Variants in PTK2B observed in about 807,000 individuals in gnomAD.
The protein encoded by PTK2B is protein-tyrosine kinase 2-beta.
PTK2B carries 71 observed loss-of-function variants against 142.9 expected under a neutral mutation model. That is an observed-to-expected ratio of 0.50 (90% CI 0.41 to 0.61). The LOEUF (loss-of-function observed/expected upper bound fraction) is 0.61, where lower values mean the gene tolerates loss of function less well. Among genes scored for constraint, PTK2B ranks in the 20% least tolerant of loss-of-function variants. The pLI, the probability that PTK2B is intolerant of heterozygous loss-of-function variation, is 0.00. For synonymous variants in PTK2B, 519 were observed against 503.4 expected (o/e 1.03, Z -0.42); for missense variants, 1,105 against 1,320.4 (o/e 0.84, Z 2.53).
chr8:27,380,083 T>C (rs1014520399), intron 1 of PTK2B, among the ~76,000 whole-genome samples: 1 of 152,158 alleles, frequency 6.6e-6, no homozygotes, highest in African/African-American at 2.4e-5. Context: ...TTGTTTATTA[T>C]TGTTTGGACG....
At chr8:27,456,258 A>G (rs1812133600) in intron 30 of PTK2B, among the ~76,000 whole-genome samples, 1 of 152,208 alleles carries the variant, frequency 6.6e-6, no homozygotes, top group Non-Finnish European at 1.5e-5. Flanking sequence ...TGGCAACCCT[A>G]CAATGAGCAA....
chr8:27,448,273 A>T (rs1386243879), intron 24 of PTK2B, among the ~76,000 whole-genome samples: 1 of 152,248 alleles, frequency 6.6e-6, no homozygotes, highest in African/African-American at 2.4e-5. Flanking sequence ...AAGCCAACAG[A>T]TGGGTCATAG....
Position 27,454,147 on chromosome 8 carries a change from C to G in PTK2B, c.2596-7C>G. On this transcript the variant is annotated splice_polypyrimidine_tract_variant and splice_region_variant and intron_variant, in intron 28 of 30. Transcript: ENST00000346049. Reference sequence around the variant, plus strand: ...CAACTCACTGGCCACCTGCGTCTTCCCCTCAGTCCATCCAGCCCACAGCTA... The same window carrying G: ...CAACTCACTGGCCACCTGCGTCTTCGCCTCAGTCCATCCAGCCCACAGCTA... The G allele has an allele frequency of 6.2e-7, 1 of 1,613,994 alleles. No homozygotes were observed. Among genetic ancestry groups the G allele is most frequent in the South Asian group, 1.1e-5 (1 of 91,056 alleles).
chr8:27,383,633 A>T (rs928385455), intron 1 of PTK2B, among the ~76,000 whole-genome samples: 9 of 152,070 alleles, frequency 5.9e-5, no homozygotes, highest in Non-Finnish European at 1.0e-4. Flanking sequence ...ATCCTCTCTT[A>T]TTAAAATTAT....
In PTK2B at chr8:27,343,564, G is replaced by A. The variant is rs139045215; in HGVS notation, c.-38+17883G>A. Among the ~76,000 whole-genome samples, 694 of 152,264 alleles carry A rather than the reference G, an allele frequency of 4.6e-3. 8 individuals are homozygous for A. Among genetic ancestry groups the A allele is most frequent in the African/African-American group, 0.016 (659 of 41,554 alleles). ...TACCTGTCTAATGACATATCACCCCGGAGGGGATGCCCAGCTCACAGAATG... is the reference window on the plus strand; with the variant it reads ...TACCTGTCTAATGACATATCACCCCAGAGGGGATGCCCAGCTCACAGAATG... On this transcript the variant is annotated intron_variant, in intron 1 of 30. Coordinates refer to ENST00000346049, the MANE Select transcript of PTK2B (RefSeq NM_173176.3).
At chr8:27,445,332 GAGGCCAAGAGTTTA>G (rs1335755194) in intron 23 of PTK2B, among the ~76,000 whole-genome samples, 1 of 152,166 alleles carries the variant, frequency 6.6e-6, no homozygotes, top group Non-Finnish European at 1.5e-5. Context: ...AGGATTACTT[GAGGCCAAGAGTTTA>G]AGGCTGCAGT....
At chr8:27,443,989 G>A (rs1415680599) in intron 22 of PTK2B, among the ~76,000 whole-genome samples, 3 of 152,322 alleles carry the variant, frequency 2.0e-5, no homozygotes, top group Non-Finnish European at 2.9e-5. Context: ...CCATAGCCCC[G>A]GGAGGGCAGT....
chr8:27,359,863 A>G (rs1248926669), intron 1 of PTK2B, among the ~76,000 whole-genome samples: 1 of 151,956 alleles, frequency 6.6e-6, no homozygotes, highest in Non-Finnish European at 1.5e-5. Flanking sequence ...TGTTGAGTTA[A>G]TCCCTGCCTC....
chr8:27,337,884 A>C (rs1241118188), intron 1 of PTK2B, among the ~76,000 whole-genome samples: 1 of 152,216 alleles, frequency 6.6e-6, no homozygotes, highest in African/African-American at 2.4e-5. Flanking sequence ...TATAGACTTA[A>C]GAGTGGAGTT....
intron 9 of PTK2B, 74 bp downstream of exon 9, chr8:27,431,546 T>A: frequency 1.3e-6 from 2 of 1,570,374 alleles, no homozygotes; most frequent in Non-Finnish European, 1.7e-6. Context: ...TCCCGCCCTG[T>A]CTGCCCCTTC....
At chr8:27,327,368 G>A (rs561824510) in intron 1 of PTK2B, among the ~76,000 whole-genome samples, 1 of 152,104 alleles carries the variant, frequency 6.6e-6, no homozygotes. Context: ...GCCAATAAAA[G>A]CACGGGACAC....
intron 1 of PTK2B, among the ~76,000 whole-genome samples, chr8:27,346,005 T>C (rs766311309): frequency 6.6e-6 from 1 of 152,132 alleles, no homozygotes; most frequent in African/African-American, 2.4e-5. Flanking sequence ...CAAAAAAAGA[T>C]TCATGTCTCA....
intron 1 of PTK2B, among the ~76,000 whole-genome samples, chr8:27,336,989 G>A (rs995458077): frequency 6.5e-5 from 2 of 30,730 alleles, no homozygotes; most frequent in Non-Finnish European, 1.5e-4. Context: ...CCCTCCCCCC[G>A]CCACTGCCAG....
chr8:27,385,272 G>T (rs1275329034), intron 1 of PTK2B, among the ~76,000 whole-genome samples: 1 of 152,220 alleles, frequency 6.6e-6, no homozygotes, highest in Non-Finnish European at 1.5e-5. Flanking sequence ...TTGGCATGGA[G>T]AGCTGGAGGA....
At chr8:27,437,360 C>G in intron 16 of PTK2B, 36 bp from the exon 17 acceptor site, 1 of 1,588,312 alleles carries the variant, frequency 6.3e-7, no homozygotes, top group South Asian at 1.1e-5. Context: ...ACCTTTGAGC[C>G]GCTCCACCTG....
At chr8:27,370,940 G>A (rs1392554644) in intron 1 of PTK2B, among the ~76,000 whole-genome samples, 4 of 152,092 alleles carry the variant, frequency 2.6e-5, no homozygotes, top group Non-Finnish European at 4.4e-5. Flanking sequence ...GAGTTGCCCA[G>A]GCTGGAGAGC....
intron 1 of PTK2B, among the ~76,000 whole-genome samples, chr8:27,371,545 T>TTATATATATA (rs148359194): frequency 1.8e-4 from 27 of 147,464 alleles, no homozygotes; most frequent in Non-Finnish European, 3.6e-4. Flanking sequence ...TTTTTATTAT[T>TTATATATATA]TATATATATA....
exon 1 of PTK2B, chr8:27,311,505 G>T: frequency 1.9e-6 from 1 of 528,366 alleles, no homozygotes; most frequent in Non-Finnish European, 3.3e-6. Context: ...CCTCAGGTCC[G>T]GGCGGGTCCC....
chr8:27,428,310 C>T (rs1586300346), intron 5 of PTK2B, among the ~76,000 whole-genome samples: 1 of 152,210 alleles, frequency 6.6e-6, no homozygotes, highest in African/African-American at 2.4e-5. Context: ...TGGCCAGCTT[C>T]CTAACAGGCC....
Sources: gnomAD v4.1 joint callset for allele counts (sites outside exome capture counted in the v4.1 genomes callset) on GRCh38, gnomAD v4.1.1 for gene constraint, MANE v1.5 for transcripts, NCBI Gene and HGNC (gene_info 2026-07-23, HGNC 2026-07-21) for gene names.